The following MAST2 variants were observed in gnomAD, a reference collection of about 807,000 sequenced individuals.
MAST2 encodes microtubule-associated serine/threonine-protein kinase 2.
MAST2 carries 70 observed loss-of-function variants against 147.4 expected under a neutral mutation model. The observed-to-expected ratio is 0.47, with a 90% confidence interval of 0.39 to 0.58. The LOEUF is 0.58. Ranked by LOEUF, MAST2 falls within the 20% of genes least tolerant of loss-of-function variation. The pLI, the probability that MAST2 is intolerant of heterozygous loss-of-function variation, is 0.00. For synonymous variants in MAST2, 869 were observed against 896.8 expected (o/e 0.97, Z 0.55); for missense variants, 2,080 against 2,302.3 (o/e 0.90, Z 1.98).
intron 1 of MAST2, among the ~76,000 whole-genome samples, chr1:45,823,630 G>A (rs867360548): frequency 3.3e-5 from 5 of 152,034 alleles, no homozygotes; most frequent in Admixed American, 1.3e-4. Context: ...TACTGTACCC[G>A]GCCCAGTTAT....
chr1:45,850,654 T>A (rs1237175822), intron 3 of MAST2, among the ~76,000 whole-genome samples: 1 of 152,134 alleles, frequency 6.6e-6, no homozygotes, highest in Non-Finnish European at 1.5e-5. Context: ...GGGTTCCAGT[T>A]TCATTCTTCT....
intron 4 of MAST2, among the ~76,000 whole-genome samples, chr1:45,952,818 T>C (rs1659122773): frequency 6.6e-6 from 1 of 152,186 alleles, no homozygotes. Flanking sequence ...AGAGAAGATT[T>C]ATTACTATCA....
chr1:45,820,893 C>CTTTTTTTTTTTTTTTTTTTTTTTT (rs769508054), intron 1 of MAST2, among the ~76,000 whole-genome samples: 12 of 43,082 alleles, frequency 2.8e-4, no homozygotes, highest in Non-Finnish European at 4.1e-4. Context: ...CTTTCTTTCT[C>CTTTTTTTTTTTTTTTTTTTTTTTT]TTTTTTTTTT....
intron 3 of MAST2, among the ~76,000 whole-genome samples, chr1:45,837,701 A>G (rs572602242): frequency 6.6e-6 from 1 of 152,350 alleles, no homozygotes; most frequent in African/African-American, 2.4e-5. Flanking sequence ...AGAAACTGCC[A>G]ACCTGTTTTC....
intron 3 of MAST2, among the ~76,000 whole-genome samples, chr1:45,830,655 G>A (rs914306476): frequency 6.6e-6 from 1 of 152,146 alleles, no homozygotes; most frequent in Non-Finnish European, 1.5e-5. Context: ...TTGGTTTACA[G>A]CTCTGTGGTA....
intron 4 of MAST2, among the ~76,000 whole-genome samples, chr1:45,888,394 G>A (rs77310071): frequency 0.028 from 4,244 of 151,646 alleles, 87 homozygotes; most frequent in Non-Finnish European, 0.045. Context: ...ACTGAGTCTC[G>A]CTCTGTGGTC....
chr1:45,812,054 G>A (rs1644318647), intron 1 of MAST2, among the ~76,000 whole-genome samples: 1 of 152,142 alleles, frequency 6.6e-6, no homozygotes, highest in African/African-American at 2.4e-5. Context: ...ACAGGTGTGA[G>A]CCACCGCGCG....
intron 4 of MAST2, among the ~76,000 whole-genome samples, chr1:45,903,912 G>A (rs186703595): frequency 7.2e-5 from 11 of 152,290 alleles, no homozygotes; most frequent in Non-Finnish European, 5.9e-5. Context: ...AATGTGTATT[G>A]TTTTAGGTGG....
At chr1:45,895,776 C>A (rs1357188546) in intron 4 of MAST2, among the ~76,000 whole-genome samples, 3 of 152,100 alleles carry the variant, frequency 2.0e-5, no homozygotes, top group Non-Finnish European at 2.9e-5. Flanking sequence ...ATATTACAAC[C>A]AATTCCATTA....
intron 5 of MAST2, among the ~76,000 whole-genome samples, chr1:45,973,702 C>T (rs999961868): frequency 1.3e-5 from 2 of 151,894 alleles, no homozygotes; most frequent in African/African-American, 4.8e-5. Flanking sequence ...GAGGAGAGAC[C>T]CAAAAGGAAA....
intron 1 of MAST2, among the ~76,000 whole-genome samples, chr1:45,820,278 G>A (rs1335694182): frequency 1.3e-5 from 2 of 152,180 alleles, no homozygotes; most frequent in Non-Finnish European, 2.9e-5. Context: ...AAACTTGCTA[G>A]GACATTGGTT....
At chr1:45,903,888 A>AAT (rs1330882349) in intron 4 of MAST2, among the ~76,000 whole-genome samples, 10 of 152,226 alleles carry the variant, frequency 6.6e-5, no homozygotes, top group African/African-American at 2.4e-4. Context: ...TGAATCAGAA[A>AAT]CTGTGAGATA....
chr1:45,924,259 T>C (rs1351293492), intron 4 of MAST2, among the ~76,000 whole-genome samples: 1 of 152,204 alleles, frequency 6.6e-6, no homozygotes, highest in African/African-American at 2.4e-5. Flanking sequence ...TTCTCTGTAC[T>C]CAAATTCACA....
chr1:46,031,450 A>G lies in MAST2; in HGVS notation c.3052A>G (p.Ile1018Val). The G allele has an allele frequency of 1.2e-6, 2 of 1,614,144 alleles. No individual in the cohort carries two copies. The highest frequency in any genetic ancestry group is 1.3e-5 in the African/African-American group (1 of 75,040). ...QLAEGATAKAISDLAVRRARH... is the reference protein window; with the variant it reads ...QLAEGATAKAVSDLAVRRARH... ...GGCTGAGGGAGCCACAGCCAAGGCCATCAGTGACCTGGCTGTGCGTAGGGC... is the reference window on the plus strand; with the variant it reads ...GGCTGAGGGAGCCACAGCCAAGGCCGTCAGTGACCTGGCTGTGCGTAGGGC... Residue 1018 changes from isoleucine (I) to valine (V), a missense_variant, in exon 24 of 29, where the codon ATC (isoleucine) becomes GTC (valine). Transcript: ENST00000361297. This position sits in a 1 kb window ranked among gnomAD's most constrained non-coding sequence, Gnocchi z 4.1.
intron 2 of MAST2, among the ~76,000 whole-genome samples, chr1:45,826,093 TAA>T (rs996227388): frequency 9.2e-5 from 14 of 151,930 alleles, no homozygotes; most frequent in Non-Finnish European, 1.8e-4. Flanking sequence ...AAAAAAAAAG[TAA>T]AGTTTTCTTA....
At chr1:45,940,713 G>A (rs1025755047) in intron 4 of MAST2, among the ~76,000 whole-genome samples, 1 of 150,814 alleles carries the variant, frequency 6.6e-6, no homozygotes, top group East Asian at 2.0e-4. Context: ...TCCGCCACCC[G>A]GGTTCACGCC....
At chr1:45,858,457 G>T (rs894191959) in intron 3 of MAST2, among the ~76,000 whole-genome samples, 1 of 151,834 alleles carries the variant, frequency 6.6e-6, no homozygotes, top group African/African-American at 2.4e-5. Context: ...TTGTGATGGG[G>T]TTGTTTGTTT....
chr1:45,933,909 T>A (rs1655780296), intron 4 of MAST2, among the ~76,000 whole-genome samples: 1 of 151,970 alleles, frequency 6.6e-6, no homozygotes, highest in South Asian at 2.1e-4. Flanking sequence ...TTTTAAGTTT[T>A]TTTTTTTTTC....
rs1240888246 is a variant in MAST2, at chr1:45,959,379, A to T, written c.501-7A>T. 6.2e-7 allele frequency: 1 copy of T among 1,611,990 alleles called. No homozygotes were observed. The highest frequency in any genetic ancestry group is 1.7e-5 in the Admixed American group (1 of 59,930). ...CTATTATAATTCATATTTTGTTTTC[A>T]TTGCAGTTGTCGGACAAGTAACCGC... On this transcript the variant is annotated splice_polypyrimidine_tract_variant and splice_region_variant and intron_variant, in intron 4 of 28. Coordinates refer to ENST00000361297, the MANE Select transcript of MAST2 (RefSeq NM_015112.3).
Sources: gnomAD v4.1 joint callset for allele counts (sites outside exome capture counted in the v4.1 genomes callset) on GRCh38, gnomAD v4.1.1 for gene constraint, Gnocchi (gnomAD v3.1) non-coding constraint, MANE v1.5 for transcripts, NCBI Gene and HGNC (gene_info 2026-07-23, HGNC 2026-07-21) for gene names.